Variants in RHOU observed in about 807,000 individuals in gnomAD.
The protein encoded by RHOU is rho-related GTP-binding protein RhoU.
In RHOU, 8 loss-of-function variants were observed where a neutral mutation model predicts 12.6. The observed-to-expected ratio is 0.64, with a 90% confidence interval of 0.37 to 1.15. RHOU has a LOEUF of 1.15. Ranked by LOEUF, RHOU falls within the 50% of genes most tolerant of loss-of-function variation. RHOU has a pLI of 0.01. For missense variants in RHOU, 258 were observed against 347.0 expected (o/e 0.74, Z 2.04); for synonymous variants, 161 against 147.4 (o/e 1.09, Z -0.67).
the RHOU span, among the ~76,000 whole-genome samples, chr1:228,718,939 A>G: frequency 1.2e-4 from 19 of 152,340 alleles, no homozygotes; most frequent in South Asian, 3.5e-3. Flanking sequence ...CACCAACTCA[A>G]ATCAGCCAGT....
At chr1:228,695,154 G>C in the RHOU span, among the ~76,000 whole-genome samples, 2 of 152,078 alleles carry the variant, frequency 1.3e-5, no homozygotes, top group Non-Finnish European at 2.9e-5. Flanking sequence ...ATTTTTGGTA[G>C]AGATGGGGTT....
At chr1:228,700,128 C>T in the RHOU span, among the ~76,000 whole-genome samples, 1 of 152,164 alleles carries the variant, frequency 6.6e-6, no homozygotes, top group Non-Finnish European at 1.5e-5. Context: ...CATCCAGGTT[C>T]TCCATGAGTC....
At chr1:228,733,679 C>T (rs147096768), upstream of RHOU, among the ~76,000 whole-genome samples, 75 of 152,344 alleles carry the variant, frequency 4.9e-4, no homozygotes, top group African/African-American at 1.7e-3. Flanking sequence ...CTCTGCTACT[C>T]TTGCTACTGG....
chr1:228,647,487 T>C, the RHOU span, among the ~76,000 whole-genome samples: 2 of 152,190 alleles, frequency 1.3e-5, no homozygotes, highest in Non-Finnish European at 2.9e-5. Flanking sequence ...GGCGAAGCAA[T>C]GTCCTTCCTC....
the RHOU span, among the ~76,000 whole-genome samples, chr1:228,675,482 C>T: frequency 3.9e-5 from 6 of 152,160 alleles, no homozygotes; most frequent in African/African-American, 1.4e-4. Context: ...ATAAATTTGT[C>T]TTTCCCATAG....
At chr1:228,671,297 G>T in the RHOU span, among the ~76,000 whole-genome samples, 5 of 152,164 alleles carry the variant, frequency 3.3e-5, no homozygotes, top group Non-Finnish European at 7.4e-5. Context: ...GAGCCACCAT[G>T]CCTAGCCTCA....
the RHOU span, among the ~76,000 whole-genome samples, chr1:228,692,246 T>A: frequency 6.6e-6 from 1 of 152,170 alleles, no homozygotes. Flanking sequence ...GAGCAGAAAA[T>A]CCAATGTGTG....
the RHOU span, among the ~76,000 whole-genome samples, chr1:228,675,412 T>C: frequency 6.6e-6 from 1 of 152,212 alleles, no homozygotes; most frequent in East Asian, 1.9e-4. Flanking sequence ...GACTTTTAAA[T>C]TTCCACACAC....
At chr1:228,707,880 A>G in the RHOU span, among the ~76,000 whole-genome samples, 1 of 152,218 alleles carries the variant, frequency 6.6e-6, no homozygotes, top group Non-Finnish European at 1.5e-5. Context: ...AAGACATTCA[A>G]ACCAAAGGCA....
the RHOU span, among the ~76,000 whole-genome samples, chr1:228,674,216 T>C: frequency 2.0e-5 from 3 of 152,210 alleles, no homozygotes; most frequent in Admixed American, 2.0e-4. Flanking sequence ...TCTTTTCTTA[T>C]TAAGTCTTCC....
chr1:228,712,190 G>A, the RHOU span, among the ~76,000 whole-genome samples: 1 of 151,874 alleles, frequency 6.6e-6, no homozygotes, highest in Non-Finnish European at 1.5e-5. Flanking sequence ...GGAGAAATAG[G>A]AACACTTTTA....
chr1:228,709,338 C>G, the RHOU span, among the ~76,000 whole-genome samples: 1 of 144,454 alleles, frequency 6.9e-6, no homozygotes, highest in Non-Finnish European at 1.5e-5. Flanking sequence ...CTCTCCACCC[C>G]AAATCAACAG....
the RHOU span, among the ~76,000 whole-genome samples, chr1:228,726,661 T>A: frequency 2.1e-5 from 3 of 141,548 alleles, no homozygotes; most frequent in Non-Finnish European, 4.6e-5. Flanking sequence ...TGAGACTCCA[T>A]CTCAAAAAAA....
chr1:228,743,639 T>C lies in RHOU; in HGVS notation c.676T>C (p.Ser226Pro), dbSNP rs766002026. The C allele has an allele frequency of 6.2e-7, 1 of 1,614,168 alleles. No homozygotes were observed. The highest frequency in any genetic ancestry group is 8.5e-7 in the Non-Finnish European group (1 of 1,180,042). Reference sequence around the variant, plus strand: ...AGCCATCGTCGCTGGCATTCAATACTCGGACACTCAGCAACAGCCAAAGAA... The same window carrying C: ...AGCCATCGTCGCTGGCATTCAATACCCGGACACTCAGCAACAGCCAAAGAA... ...DAAIVAGIQY[S>P]DTQQQPKKSK... Residue 226 changes from serine to proline, a missense_variant, in exon 3 of 3, where the codon TCG becomes CCG. Transcript: ENST00000366691. The surrounding 1 kb of genome is among the most constrained non-coding windows in gnomAD (Gnocchi z 5.1).
chr1:228,743,711 T>G lies in RHOU; in HGVS notation c.748T>G (p.Trp250Gly). Residue 250 changes from tryptophan to glycine, a missense_variant, in exon 3 of 3, where the codon TGG becomes GGG. By Grantham distance (184) the Trp-to-Gly change is radical (BLOSUM62 -2). Coordinates refer to ENST00000366691, the MANE Select transcript of RHOU (RefSeq NM_021205.6). This position sits in a 1 kb window ranked among gnomAD's most constrained non-coding sequence, Gnocchi z 5.1. ...PDKMKNLSKS[W>G]WKKYCCFV is the part of the protein sequence containing the mutation. ...TAAAATGAAAAACCTCTCCAAGTCC[T>G]GGTGGAAGAAGTACTGCTGTTTCGT... The G allele has an allele frequency of 2.5e-6, 4 of 1,613,522 alleles. No individual in the cohort carries two copies. Among genetic ancestry groups the G allele is most frequent in the Non-Finnish European group, 3.4e-6 (4 of 1,179,680 alleles).
the RHOU span, among the ~76,000 whole-genome samples, chr1:228,668,710 G>A: frequency 2.0e-5 from 3 of 152,090 alleles, no homozygotes; most frequent in Non-Finnish European, 2.9e-5. Context: ...ACACCATCTC[G>A]ACAGCTGTGT....
At chr1:228,733,067 A>C (rs554068340), upstream of RHOU, among the ~76,000 whole-genome samples, 141 of 152,342 alleles carry the variant, frequency 9.3e-4, no homozygotes, top group Non-Finnish European at 1.9e-3. Context: ...CTATAAGAAC[A>C]ATAGGAAGTT....
chr1:228,730,979 G>A (rs1257413150), upstream of RHOU, among the ~76,000 whole-genome samples: 1 of 152,164 alleles, frequency 6.6e-6, no homozygotes, highest in Non-Finnish European at 1.5e-5. Context: ...AAAGTGACAT[G>A]TACACAGTGG....
chr1:228,687,522 C>T, the RHOU span: 1 of 1,580,944 alleles, frequency 6.3e-7, no homozygotes, highest in Non-Finnish European at 8.6e-7. Context: ...CCGAATCTTC[C>T]TTCAGGATAT....
Sources: allele counts gnomAD v4.1 joint callset (sites outside exome capture counted in the v4.1 genomes callset), GRCh38; gene constraint gnomAD v4.1.1; non-coding constraint Gnocchi (gnomAD v3.1); transcripts MANE v1.5; gene names NCBI Gene and HGNC (gene_info 2026-07-23, HGNC 2026-07-21).